Variants in PDSS2 observed in about 807,000 individuals in gnomAD.
The protein encoded by PDSS2 is all trans-polyprenyl-diphosphate synthase PDSS2.
In PDSS2, 31 loss-of-function variants were observed where a neutral mutation model predicts 44.5. The observed-to-expected ratio is 0.70, with a 90% CI of 0.52 to 0.94. PDSS2 has a LOEUF of 0.94. PDSS2 is among the 40% of genes least tolerant of loss of function. The pLI, the probability that PDSS2 is intolerant of heterozygous loss-of-function variation, is 0.00. For synonymous variants in PDSS2, 157 were observed against 180.3 expected, an observed-to-expected ratio of 0.87 and a Z score of 1.03; for missense variants, 452 against 482.2, an observed-to-expected ratio of 0.94 and a Z score of 0.59.
chr6:107,201,139 T>C (rs1772755920), intron 6 of PDSS2, among the ~76,000 whole-genome samples: 1 of 152,144 alleles, frequency 6.6e-6, no homozygotes, highest in Non-Finnish European at 1.5e-5. Flanking sequence ...AGGGCTTCAT[T>C]ACTAGGGTCT....
intron 1 of PDSS2, among the ~76,000 whole-genome samples, chr6:107,380,909 T>C (rs1441027264): frequency 6.6e-6 from 1 of 152,240 alleles, no homozygotes; most frequent in Non-Finnish European, 1.5e-5. Context: ...TTTACTTTTC[T>C]ACTATTTCTT....
intron 4 of PDSS2, among the ~76,000 whole-genome samples, chr6:107,240,437 T>C (rs1774383515): frequency 6.7e-6 from 1 of 149,760 alleles, no homozygotes; most frequent in African/African-American, 2.5e-5. Flanking sequence ...AGTCTCACTC[T>C]GTCCAGGCTG....
chr6:107,357,170 C>G (rs1041685001), intron 1 of PDSS2, among the ~76,000 whole-genome samples: 5 of 152,082 alleles, frequency 3.3e-5, no homozygotes, highest in African/African-American at 1.2e-4. Flanking sequence ...TAGGACACAG[C>G]ATCACAGGAA....
chr6:107,338,498 C>A (rs765436468), intron 1 of PDSS2, among the ~76,000 whole-genome samples: 3 of 152,138 alleles, frequency 2.0e-5, no homozygotes, highest in Non-Finnish European at 4.4e-5. Context: ...ATGTGGCCTC[C>A]CTTCTTGTGT....
intron 1 of PDSS2, among the ~76,000 whole-genome samples, chr6:107,384,327 A>C (rs1365486292): frequency 2.0e-5 from 3 of 152,284 alleles, no homozygotes; most frequent in South Asian, 4.1e-4. Context: ...ATGGTTGCAC[A>C]ACTCTGTAAA....
At chr6:107,337,332 G>T (rs1777937059) in intron 1 of PDSS2, among the ~76,000 whole-genome samples, 2 of 152,076 alleles carry the variant, frequency 1.3e-5, no homozygotes, top group African/African-American at 2.4e-5. Context: ...AGGCCAACAG[G>T]CTCTAGAGTC....
At chr6:107,260,017 C>T (rs1175833669) in intron 3 of PDSS2, among the ~76,000 whole-genome samples, 3 of 152,168 alleles carry the variant, frequency 2.0e-5, no homozygotes, top group Admixed American at 1.3e-4. Flanking sequence ...AGAACAATGA[C>T]AATTAAGCCA....
chr6:107,261,259 G>A (rs1372912019), intron 3 of PDSS2, among the ~76,000 whole-genome samples: 1 of 152,194 alleles, frequency 6.6e-6, no homozygotes, highest in African/African-American at 2.4e-5. Context: ...CCCCAATGCA[G>A]GAGGTGGGGC....
chr6:107,224,008 C>G (rs1231075494), intron 4 of PDSS2, among the ~76,000 whole-genome samples: 3 of 151,174 alleles, frequency 2.0e-5, no homozygotes, highest in African/African-American at 7.4e-5. Flanking sequence ...AAGTGTGAAC[C>G]CCGTTGTGAA....
chr6:107,155,827 C>T (rs1163632137), intron 7 of PDSS2, among the ~76,000 whole-genome samples: 1 of 147,180 alleles, frequency 6.8e-6, no homozygotes, highest in Non-Finnish European at 1.5e-5. Context: ...ATCCCCCTGC[C>T]TTAGCCTCCC....
Position 107,223,229 on chromosome 6 carries a change from A to AC in PDSS2, c.703-10948_703-10947insG, listed in dbSNP as rs1773676388. On this transcript the variant is annotated intron_variant, in intron 4 of 7. Transcript: ENST00000369037. ...TAGGTGTGAACCACTGCGCTCTACA[A>AC]ACATTTTTTTAAAAAATTGGCCAGG... Among the ~76,000 whole-genome samples, 4 of 150,820 alleles carry AC rather than the reference A, an allele frequency of 2.7e-5. No homozygotes were observed. The South Asian group carries it at 8.3e-4, about 31-fold the overall frequency.
chr6:107,348,436 T>C (rs1778322906), intron 1 of PDSS2, among the ~76,000 whole-genome samples: 1 of 152,216 alleles, frequency 6.6e-6, no homozygotes, highest in Non-Finnish European at 1.5e-5. Flanking sequence ...TGTTGAGTCA[T>C]TGCTATTACT....
In PDSS2 at chr6:107,292,224, T is replaced by TAA. The variant is rs5878911; in HGVS notation, c.432-17999_432-17998dup. Among the ~76,000 whole-genome samples the TAA allele has an allele frequency of 3.2e-3, 451 of 142,494 alleles. 2 individuals are homozygous for TAA. The highest frequency in any genetic ancestry group is 7.2e-3 in the Middle Eastern group (2 of 276). 93.5% of individuals were successfully genotyped at this position (142,494 alleles called of 152,430 possible). On this transcript the variant is annotated intron_variant, in intron 2 of 7. Transcript: ENST00000369037. ...AAAATCTTTTAAGTAGTACTTCAAT[T>TAA]AAAAAAAAAAAAAACCTTTAAAACA...
intron 6 of PDSS2, among the ~76,000 whole-genome samples, chr6:107,198,800 TAACAAC>T (rs35128756): frequency 0.036 from 5,423 of 149,384 alleles, 250 homozygotes; most frequent in African/African-American, 0.11. Flanking sequence ...CTACAAACAA[TAACAAC>T]AACAACAACA....
intron 1 of PDSS2, among the ~76,000 whole-genome samples, chr6:107,439,540 G>A (rs1652411494): frequency 6.6e-6 from 1 of 152,168 alleles, no homozygotes; most frequent in Non-Finnish European, 1.5e-5. Context: ...AGCTTGCAGA[G>A]GGGAAAATGC....
rs765936289 is a variant in PDSS2 at position 107,270,270 on chromosome 6, G to A, written c.630+3759C>T. The stretch of plus-strand genomic sequence containing the variant: ...ATTACAGGCATGTGCCACCACACTC[G>A]GCTAATGTTCTTTGCATTTTTAGTA... On this transcript the variant is annotated intron_variant, in intron 3 of 7. Transcript: ENST00000369037. 1.4e-4 allele frequency among the ~76,000 whole-genome samples: 22 copies of A among 151,836 alleles called. No homozygotes were observed. The South Asian group carries it at 2.5e-3, about 17-fold the overall frequency.
At chr6:107,412,709 A>G (rs1034801746) in intron 1 of PDSS2, among the ~76,000 whole-genome samples, 4 of 152,200 alleles carry the variant, frequency 2.6e-5, no homozygotes, top group African/African-American at 9.7e-5. Context: ...AAATTTACCA[A>G]TCTTTTGACT....
chr6:107,283,399 T>C (rs1049307951), intron 2 of PDSS2, among the ~76,000 whole-genome samples: 4 of 151,910 alleles, frequency 2.6e-5, no homozygotes, highest in African/African-American at 9.7e-5. Flanking sequence ...TCTCTTCAAA[T>C]GTTCTGCATT....
chr6:107,405,870 A>G (rs1465093796), intron 1 of PDSS2, among the ~76,000 whole-genome samples: 1 of 151,238 alleles, frequency 6.6e-6, no homozygotes, highest in Non-Finnish European at 1.5e-5. Flanking sequence ...AAAAAAAGAT[A>G]CAGAATGGTG....
Sources: gnomAD v4.1 joint callset for allele counts (sites outside exome capture counted in the v4.1 genomes callset) on GRCh38, gnomAD v4.1.1 for gene constraint, MANE v1.5 for transcripts, NCBI Gene and HGNC (gene_info 2026-07-23, HGNC 2026-07-21) for gene names.